The following HEMK2 variants were observed in gnomAD, a reference collection of about 807,000 sequenced individuals.
The protein encoded by HEMK2 is methyltransferase HEMK2.
chr21:28,876,642 T>TAA, the HEMK2 span: 1 of 509,038 alleles, frequency 2.0e-6, no homozygotes, highest in South Asian at 3.4e-5. Context: ...TAAAGTGAAC[T>TAA]TGGTCTTCAG....
chr21:28,877,699 T>C, the HEMK2 span, among the ~76,000 whole-genome samples: 3 of 152,060 alleles, frequency 2.0e-5, no homozygotes, highest in African/African-American at 7.2e-5. Context: ...CTGAGGACTT[T>C]TAGTATAAGC....
the HEMK2 span, among the ~76,000 whole-genome samples, chr21:28,880,349 TTACTGGA>T: frequency 6.6e-6 from 1 of 152,214 alleles, no homozygotes; most frequent in Admixed American, 6.5e-5. Flanking sequence ...CTACCATTAT[TTACTGGA>T]TACTGTTCTA....
At chr21:28,733,390 C>T in the HEMK2 span, among the ~76,000 whole-genome samples, 1 of 152,222 alleles carries the variant, frequency 6.6e-6, no homozygotes, top group African/African-American at 2.4e-5. Context: ...TCTTAGATAA[C>T]ATTGGCTTTT....
chr21:28,819,209 C>T, the HEMK2 span, among the ~76,000 whole-genome samples: 9 of 151,144 alleles, frequency 6.0e-5, no homozygotes, highest in African/African-American at 1.9e-4. Flanking sequence ...ATACCCATGA[C>T]GTAAGGATAC....
the HEMK2 span, among the ~76,000 whole-genome samples, chr21:28,656,117 C>A: frequency 6.6e-6 from 1 of 151,992 alleles, no homozygotes; most frequent in Non-Finnish European, 1.5e-5. Flanking sequence ...TCAGGCTACA[C>A]AAATAGAGGA....
chr21:28,685,649 T>C, the HEMK2 span, among the ~76,000 whole-genome samples: 1 of 152,158 alleles, frequency 6.6e-6, no homozygotes, highest in African/African-American at 2.4e-5. Flanking sequence ...AGCCGGATGC[T>C]AAAGAGGTAA....
chr21:28,637,554 A>G, the HEMK2 span, among the ~76,000 whole-genome samples: 2 of 152,188 alleles, frequency 1.3e-5, no homozygotes, highest in Non-Finnish European at 2.9e-5. Flanking sequence ...ATGCCACACA[A>G]ATGCCTCACT....
chr21:28,689,455 T>G, the HEMK2 span, among the ~76,000 whole-genome samples: 2 of 152,176 alleles, frequency 1.3e-5, no homozygotes, highest in Non-Finnish European at 1.5e-5. Flanking sequence ...GTACCTTTGG[T>G]AAGTATCTTT....
chr21:28,593,030 T>A, the HEMK2 span, among the ~76,000 whole-genome samples: 1 of 152,186 alleles, frequency 6.6e-6, no homozygotes, highest in East Asian at 1.9e-4. Context: ...TGTAAAAAAA[T>A]TATTAAAAAT....
the HEMK2 span, among the ~76,000 whole-genome samples, chr21:28,789,483 T>C: frequency 6.6e-6 from 1 of 152,336 alleles, no homozygotes; most frequent in East Asian, 1.9e-4. Context: ...TGAAATGTTA[T>C]GCTATTTTCT....
chr21:28,775,681 A>C, the HEMK2 span, among the ~76,000 whole-genome samples: 1 of 152,208 alleles, frequency 6.6e-6, no homozygotes, highest in Admixed American at 6.5e-5. Context: ...CAAGAAAGAC[A>C]GTAAAAGGTA....
the HEMK2 span, among the ~76,000 whole-genome samples, chr21:28,869,595 G>A: frequency 1.3e-5 from 2 of 152,230 alleles, no homozygotes; most frequent in South Asian, 2.1e-4. Flanking sequence ...CTACTTCCAG[G>A]ACTGGCTCGA....
At chr21:28,582,912 G>C in the HEMK2 span, among the ~76,000 whole-genome samples, 1 of 152,106 alleles carries the variant, frequency 6.6e-6, no homozygotes, top group African/African-American at 2.4e-5. Context: ...TATACTAGTT[G>C]ATAATATCAA....
the HEMK2 span, among the ~76,000 whole-genome samples, chr21:28,582,506 A>G: frequency 6.6e-6 from 1 of 152,144 alleles, no homozygotes; most frequent in Non-Finnish European, 1.5e-5. Flanking sequence ...AGACTTTTAT[A>G]AGACAGAGGA....
At chr21:28,835,756 G>A in the HEMK2 span, among the ~76,000 whole-genome samples, 6 of 152,034 alleles carry the variant, frequency 3.9e-5, no homozygotes, top group African/African-American at 1.5e-4. Flanking sequence ...GGAAGTAAAG[G>A]GAGAAATATT....
At chr21:28,841,386 T>C in the HEMK2 span, among the ~76,000 whole-genome samples, 2 of 36,200 alleles carry the variant, frequency 5.5e-5, no homozygotes, top group African/African-American at 1.8e-4. Context: ...ATATATAATA[T>C]ATAAAATATT....
the HEMK2 span, among the ~76,000 whole-genome samples, chr21:28,730,153 G>T: frequency 1.3e-5 from 2 of 151,988 alleles, no homozygotes; most frequent in Admixed American, 6.6e-5. Context: ...AAAGGCGGGA[G>T]GATCACTTGA....
At chr21:28,680,822 G>T in the HEMK2 span, among the ~76,000 whole-genome samples, 1 of 152,210 alleles carries the variant, frequency 6.6e-6, no homozygotes, top group Non-Finnish European at 1.5e-5. Context: ...CTCAATGGAT[G>T]CAGAAAAGGC....
chr21:28,576,389 T>C, the HEMK2 span, among the ~76,000 whole-genome samples: 51 of 152,206 alleles, frequency 3.4e-4, no homozygotes, highest in Non-Finnish European at 1.5e-5. Flanking sequence ...ATTTCTCTTG[T>C]GAAGTATCTC....
Sources: gnomAD v4.1 joint callset for allele counts (sites outside exome capture counted in the v4.1 genomes callset) on GRCh38, gnomAD v4.1.1 for gene constraint, MANE v1.5 for transcripts, NCBI Gene and HGNC (gene_info 2026-07-23, HGNC 2026-07-21) for gene names.